The following ACBD6 variants were observed in gnomAD, a reference collection of about 807,000 sequenced individuals.
The protein encoded by ACBD6 is acyl-CoA binding domain containing 6, also known as acyl-CoA-binding domain-containing protein 6.
In ACBD6, 28 loss-of-function variants were observed where a neutral mutation model predicts 37.2. The ratio of observed to expected loss-of-function variants is 0.75; its 90% CI spans 0.56 to 1.03. ACBD6 has a LOEUF of 1.03. Among genes scored for constraint, ACBD6 ranks in the 50% least tolerant of loss-of-function variants. The probability of loss-of-function intolerance (pLI) is 0.00; values close to 1 mark genes in which losing one functional copy is unlikely to be tolerated. For synonymous variants in ACBD6, 113 were observed against 126.8 expected (o/e 0.89, Z 0.73); for missense variants, 340 against 337.4 (o/e 1.01, Z -0.06).
chr1:180,477,577 T>A (rs1024636166), intron 3 of ACBD6, among the ~76,000 whole-genome samples: 9 of 152,004 alleles, frequency 5.9e-5, no homozygotes, highest in African/African-American at 2.2e-4. Context: ...TAGAACGAAT[T>A]TTTTTTTCAG....
intron 6 of ACBD6, among the ~76,000 whole-genome samples, chr1:180,347,117 T>C (rs1652213337): frequency 6.6e-6 from 1 of 152,118 alleles, no homozygotes; most frequent in Admixed American, 6.5e-5. Flanking sequence ...TAGGGTCAGA[T>C]AATTCCTGCA....
chr1:180,431,849 A>G (rs958883794), intron 3 of ACBD6, among the ~76,000 whole-genome samples: 4 of 152,154 alleles, frequency 2.6e-5, no homozygotes, highest in Non-Finnish European at 5.9e-5. Context: ...AGAAGGTAAC[A>G]TGGCGGAAAA....
At position 180,439,683 on chromosome 1, in the gene ACBD6, A is replaced by C. The variant is rs114985965; in HGVS notation, c.385-9421T>G. Among the ~76,000 whole-genome samples, 1,077 of 151,730 alleles carry C rather than the reference A, an allele frequency of 7.1e-3. 9 individuals carry two copies. The highest frequency in any genetic ancestry group is 0.024 in the African/African-American group (1,006 of 41,382). ...CCATTACCATTGAAGTGTTTCTACCAGTTTATGGCCCAAGCATCTTCTGTT... is the reference window on the plus strand; with the variant it reads ...CCATTACCATTGAAGTGTTTCTACCCGTTTATGGCCCAAGCATCTTCTGTT... On this transcript the variant is annotated intron_variant, in intron 3 of 7. Transcript: ENST00000367595.
chr1:180,424,406 C>A lies in ACBD6; in HGVS notation c.467+5774G>T, dbSNP rs1218439935. On this transcript the variant is annotated intron_variant, in intron 4 of 7. Transcript: ENST00000367595. ...TGTAAGCTGGAGGTCATTCCTCATA[C>A]CCTACGTGTCAATTAATCTAATAAA... Among the ~76,000 whole-genome samples, 3 of 151,968 alleles carry A rather than the reference C, an allele frequency of 2.0e-5. No individual in the cohort carries two copies. The East Asian group carries it at 5.8e-4, about 29-fold the overall frequency.
chr1:180,379,978 C>A (rs938985765), intron 6 of ACBD6, among the ~76,000 whole-genome samples: 1 of 152,148 alleles, frequency 6.6e-6, no homozygotes, highest in South Asian at 2.1e-4. Flanking sequence ...AAGTCAAAGA[C>A]AGGCCAAGCA....
chr1:180,433,992 T>G (rs1648917217), intron 3 of ACBD6, among the ~76,000 whole-genome samples: 1 of 151,914 alleles, frequency 6.6e-6, no homozygotes, highest in Non-Finnish European at 1.5e-5. Context: ...CCATGTCCCT[T>G]CCTCCATGCC....
At chr1:180,331,578 G>A (rs548980029) in intron 6 of ACBD6, among the ~76,000 whole-genome samples, 12 of 152,092 alleles carry the variant, frequency 7.9e-5, no homozygotes, top group African/African-American at 2.4e-4. Flanking sequence ...TTCTTTTTAC[G>A]TAAGTATACC....
At chr1:180,345,340 A>G (rs901979629) in intron 6 of ACBD6, among the ~76,000 whole-genome samples, 1 of 152,174 alleles carries the variant, frequency 6.6e-6, no homozygotes, top group South Asian at 2.1e-4. Flanking sequence ...AAATTTACAT[A>G]GTCTGTTAGG....
At chr1:180,459,466 T>A (rs746688513) in intron 3 of ACBD6, among the ~76,000 whole-genome samples, 3 of 152,172 alleles carry the variant, frequency 2.0e-5, no homozygotes, top group Non-Finnish European at 4.4e-5. Context: ...CTAATGAACA[T>A]CCTGATGAAG....
chr1:180,300,535 A>C (rs1307702489), intron 7 of ACBD6, among the ~76,000 whole-genome samples: 2 of 152,270 alleles, frequency 1.3e-5, no homozygotes, highest in African/African-American at 4.8e-5. Context: ...ATTTTTATTA[A>C]ATATTCCTGA....
intron 6 of ACBD6, among the ~76,000 whole-genome samples, chr1:180,396,661 T>G (rs544680924): frequency 2.0e-5 from 3 of 152,280 alleles, no homozygotes; most frequent in Admixed American, 2.0e-4. Context: ...AGAAAAGATA[T>G]GCAAATAGTC....
exon 14 of ACBD6, chr1:180,271,547 C>A (rs1170777408): frequency 4.3e-6 from 7 of 1,613,922 alleles, no homozygotes; most frequent in Non-Finnish European, 5.9e-6. Context: ...GAGATGCCAG[C>A]ACTCCTGTGC....
At chr1:180,280,164 T>C (rs1234701886) in intron 9 of ACBD6, among the ~76,000 whole-genome samples, 1 of 152,178 alleles carries the variant, frequency 6.6e-6, no homozygotes, top group African/African-American at 2.4e-5. Flanking sequence ...ACGGTGCTCA[T>C]AGAGTCTTGT....
At chr1:180,357,921 T>C (rs972129699) in intron 6 of ACBD6, among the ~76,000 whole-genome samples, 4 of 152,174 alleles carry the variant, frequency 2.6e-5, no homozygotes, top group Admixed American at 1.3e-4. Context: ...ACTCTTGAAT[T>C]TGGGGTAAAA....
chr1:180,412,691 C>A (rs1280371176), intron 5 of ACBD6, among the ~76,000 whole-genome samples: 1 of 152,078 alleles, frequency 6.6e-6, no homozygotes, highest in Non-Finnish European at 1.5e-5. Context: ...CATAGCAAGA[C>A]CCCATCTCCC....
exon 14 of ACBD6, chr1:180,270,871 T>TAGATGTTGGTGGTTG: frequency 4.5e-6 from 1 of 220,974 alleles, no homozygotes; most frequent in South Asian, 6.9e-5. Context: ...CTGTTGGGTG[T>TAGATGTTGGTGGTTG]GCAAGCTCAC....
At chr1:180,468,858 A>G (rs1650451382) in intron 3 of ACBD6, among the ~76,000 whole-genome samples, 2 of 152,212 alleles carry the variant, frequency 1.3e-5, no homozygotes, top group Non-Finnish European at 2.9e-5. Context: ...TTCCACAACT[A>G]CATTTTGTAG....
intron 4 of ACBD6, among the ~76,000 whole-genome samples, chr1:180,420,075 C>T (rs1394716154): frequency 6.6e-6 from 1 of 152,182 alleles, no homozygotes; most frequent in East Asian, 1.9e-4. Context: ...TAATGTCAAT[C>T]TCTTTGGGGC....
intron 6 of ACBD6, among the ~76,000 whole-genome samples, chr1:180,342,265 A>G (rs1026607281): frequency 1.3e-5 from 2 of 152,182 alleles, no homozygotes; most frequent in South Asian, 4.1e-4. Flanking sequence ...CTGCCTTCCA[A>G]GAGTAGTAGA....
Sources: gnomAD v4.1 joint callset for allele counts (sites outside exome capture counted in the v4.1 genomes callset) on GRCh38, gnomAD v4.1.1 for gene constraint, MANE v1.5 for transcripts, NCBI Gene and HGNC (gene_info 2026-07-23, HGNC 2026-07-21) for gene names.